GNAO1: variants seen among roughly 807,000 people sequenced by gnomAD.
GNAO1 encodes G protein subunit alpha o1, also known as guanine nucleotide-binding protein G(o) subunit alpha.
For missense variants in GNAO1, 166 were observed against 478.7 expected (o/e 0.35, Z 6.10); for synonymous variants, 164 against 180.7 (o/e 0.91, Z 0.74).
intron 3 of GNAO1, chr16:56,301,601 G>GT (rs1374247828): frequency 6.6e-6 from 1 of 152,128 alleles, no homozygotes; most frequent in Non-Finnish European, 1.5e-5. Context: ...GGGAGATTGG[G>GT]TTTTTTTAAT....
rs898885321 is a variant in GNAO1 at position 56,315,631 on chromosome 16, G to A, written c.304-13000G>A. ...GCACCACGTAAGGCTGTCCCAGAGG[G>A]GCAGTGGTTGGAGCTTTGGACAGAC... On this transcript the variant is annotated intron_variant, in intron 3 of 8. Coordinates refer to ENST00000262493, the MANE Select transcript of GNAO1 (RefSeq NM_020988.3). Among the ~76,000 whole-genome samples the A allele has an allele frequency of 1.1e-4, 17 of 152,236 alleles. No homozygotes were observed. In the East Asian group the frequency reaches 3.3e-3, roughly 29 times the overall value.
At chr16:56,329,649 C>T (rs2037669870) in intron 4 of GNAO1, among the ~76,000 whole-genome samples, 1 of 152,204 alleles carries the variant, frequency 6.6e-6, no homozygotes. Context: ...GGGAAATGCA[C>T]CCCACCTTTG....
At chr16:56,299,863 G>C (rs565565451) in intron 3 of GNAO1, among the ~76,000 whole-genome samples, 1 of 152,274 alleles carries the variant, frequency 6.6e-6, no homozygotes, top group Non-Finnish European at 1.5e-5. Flanking sequence ...GTCTACCTGG[G>C]GGTCCAGAGG....
chr16:56,247,706 C>A (rs1256175494), intron 2 of GNAO1, among the ~76,000 whole-genome samples: 6 of 152,022 alleles, frequency 3.9e-5, no homozygotes, highest in African/African-American at 1.5e-4. Context: ...ACTTGTCTCC[C>A]GAGGGAGAAG....
intron 2 of GNAO1, among the ~76,000 whole-genome samples, chr16:56,196,631 G>A (rs1051596269): frequency 3.3e-5 from 5 of 152,204 alleles, no homozygotes; most frequent in African/African-American, 9.7e-5. Context: ...TCGAGGTGCT[G>A]AATTTTCTGT....
At chr16:56,284,824 T>C (rs1445931545) in intron 3 of GNAO1, among the ~76,000 whole-genome samples, 1 of 152,210 alleles carries the variant, frequency 6.6e-6, no homozygotes, top group African/African-American at 2.4e-5. Flanking sequence ...GGGATATGCA[T>C]GGCCTGAACA....
At chr16:56,347,264 C>G (rs1204739741) in intron 6 of GNAO1, 22 of 985,380 alleles carry the variant, frequency 2.2e-5, no homozygotes, top group Non-Finnish European at 2.7e-5. Context: ...CTCAGGAACC[C>G]AGACCTGAGG....
intron 2 of GNAO1, among the ~76,000 whole-genome samples, chr16:56,243,206 A>G (rs2036711026): frequency 6.6e-6 from 1 of 152,086 alleles, no homozygotes; most frequent in Admixed American, 6.6e-5. Flanking sequence ...ATATATAGCA[A>G]TGTAATAATA....
intron 6 of GNAO1, among the ~76,000 whole-genome samples, chr16:56,340,007 A>G (rs528035368): frequency 1.3e-5 from 2 of 152,144 alleles, no homozygotes; most frequent in Non-Finnish European, 1.5e-5. Flanking sequence ...TTGCCCTGCA[A>G]TCCACAGGCC....
chr16:56,227,307 C>T (rs2036540844), intron 2 of GNAO1, among the ~76,000 whole-genome samples: 1 of 152,218 alleles, frequency 6.6e-6, no homozygotes, highest in South Asian at 2.1e-4. Flanking sequence ...GCTCAGGAGG[C>T]ATCCAGTGTC....
In GNAO1 at chr16:56,334,819, C is replaced by T. The variant is rs370565559; in HGVS notation, c.555C>T (p.Ile185=). 8.1e-6 allele frequency: 13 copies of T among 1,614,058 alleles called. No individual in the cohort carries two copies. The highest frequency in any genetic ancestry group is 3.3e-5 in the South Asian group (3 of 91,078). ...GAACCAGGGTCAAAACCACTGGCAT[C>T]GTAGAAACCCACTTCACATTCAAGA... ...ILRTRVKTTG[I]VETHFTFKNL... is the part of the protein sequence containing the mutation. The change falls in exon 5 of 9, where the codon ATC becomes ATT. Residue 185 remains isoleucine (I), a synonymous_variant. Transcript: ENST00000262493.
chr16:56,245,907 G>T (rs2036739543), intron 2 of GNAO1, among the ~76,000 whole-genome samples: 1 of 152,124 alleles, frequency 6.6e-6, no homozygotes, highest in Non-Finnish European at 1.5e-5. Flanking sequence ...CTAATGGGAG[G>T]TTTATAATTC....
In GNAO1 at chr16:56,351,380, G is replaced by A. The variant is rs373051247; in HGVS notation, c.724-4G>A. On this transcript the variant is annotated splice_region_variant and splice_polypyrimidine_tract_variant and intron_variant, in intron 6 of 8. Coordinates refer to ENST00000262493, the MANE Select transcript of GNAO1 (RefSeq NM_020988.3). This position sits in a 1 kb window ranked among gnomAD's most constrained non-coding sequence, Gnocchi z 6.1. The stretch of plus-strand genomic sequence containing the variant: ...TCCTCTCTCCTCCCTTCCTGCGGCC[G>A]CAGAACCGCATGCACGAGTCTCTCA... 33 of 1,608,164 alleles carry A rather than the reference G, an allele frequency of 2.1e-5. 1 individual carries two copies. The highest frequency in any genetic ancestry group is 3.3e-4 in the Middle Eastern group (2 of 6,048).
intron 3 of GNAO1, among the ~76,000 whole-genome samples, chr16:56,288,608 T>A (rs1273057574): frequency 6.6e-6 from 1 of 152,166 alleles, no homozygotes; most frequent in Non-Finnish European, 1.5e-5. Flanking sequence ...CCCTGTGTCT[T>A]AAGTCACTCA....
At chr16:56,345,803 AGTT>A in intron 6 of GNAO1, 9 of 985,600 alleles carry the variant, frequency 9.1e-6, no homozygotes, top group Non-Finnish European at 1.1e-5. Flanking sequence ...GGGTGAGGCC[AGTT>A]GTTCCGCTTA....
At chr16:56,295,693 T>A (rs1391621763) in intron 3 of GNAO1, among the ~76,000 whole-genome samples, 1 of 152,230 alleles carries the variant, frequency 6.6e-6, no homozygotes, top group Non-Finnish European at 1.5e-5. Flanking sequence ...CCCAGGCCAC[T>A]GCCCCAGTGA....
At chr16:56,266,315 G>A (rs1309222224) in intron 2 of GNAO1, among the ~76,000 whole-genome samples, 1 of 152,180 alleles carries the variant, frequency 6.6e-6, no homozygotes, top group Non-Finnish European at 1.5e-5. Context: ...AGGGATGGCT[G>A]AGCTCTGCCA....
intron 2 of GNAO1, among the ~76,000 whole-genome samples, chr16:56,269,436 AC>A (rs1361373888): frequency 6.6e-6 from 1 of 152,126 alleles, no homozygotes; most frequent in Non-Finnish European, 1.5e-5. Flanking sequence ...CGTCCCTCGT[AC>A]CAAGTATGGC....
intron 2 of GNAO1, among the ~76,000 whole-genome samples, chr16:56,266,522 C>T (rs2036955831): frequency 6.6e-6 from 1 of 152,220 alleles, no homozygotes; most frequent in Non-Finnish European, 1.5e-5. Flanking sequence ...TGTCTGGCCC[C>T]CCAGCACCAC....
Sources: gnomAD v4.1 joint callset for allele counts (sites outside exome capture counted in the v4.1 genomes callset) on GRCh38, gnomAD v4.1.1 for gene constraint, Gnocchi (gnomAD v3.1) non-coding constraint, MANE v1.5 for transcripts, NCBI Gene and HGNC (gene_info 2026-07-23, HGNC 2026-07-21) for gene names.